XIRP2: variants seen among roughly 807,000 people sequenced by gnomAD.
XIRP2 encodes the protein xin actin-binding repeat-containing protein 2.
In XIRP2, 236 loss-of-function variants were observed where a neutral mutation model predicts 277.0. That is an observed-to-expected ratio of 0.85 (90% CI 0.77 to 0.95). The LOEUF (loss-of-function observed/expected upper bound fraction) is 0.95. Among genes scored for constraint, XIRP2 ranks in the 40% least tolerant of loss-of-function variants. XIRP2 has a pLI of 0.00. For synonymous variants in XIRP2, 1,490 were observed against 1,416.5 expected, an observed-to-expected ratio of 1.05 and a Z score of -1.17; for missense variants, 4,640 against 4,157.5, an observed-to-expected ratio of 1.12 and a Z score of -3.19.
At chr2:167,073,567 T>C (rs1260144212) in intron 2 of XIRP2, among the ~76,000 whole-genome samples, 1 of 152,136 alleles carries the variant, frequency 6.6e-6, no homozygotes, top group Non-Finnish European at 1.5e-5. Context: ...ATTATATTCA[T>C]TATTTAGTTT....
intron 2 of XIRP2, among the ~76,000 whole-genome samples, chr2:166,969,323 T>G (rs957755472): frequency 1.3e-5 from 2 of 151,972 alleles, no homozygotes; most frequent in Non-Finnish European, 2.9e-5. Context: ...GCAACAATGT[T>G]TACTATACAA....
chr2:166,980,005 TAATTACA>T (rs1254583633), intron 2 of XIRP2, among the ~76,000 whole-genome samples: 7 of 152,290 alleles, frequency 4.6e-5, no homozygotes, highest in African/African-American at 1.4e-4. Flanking sequence ...GTAATGTGCT[TAATTACA>T]AATTCAATTT....
At chr2:166,891,946 C>T (rs1684116138) in intron 1 of XIRP2, among the ~76,000 whole-genome samples, 1 of 152,142 alleles carries the variant, frequency 6.6e-6, no homozygotes, top group South Asian at 2.1e-4. Context: ...ATAAATTTGG[C>T]AGGTTCTTGG....
chr2:166,983,363 A>G (rs1686923673), intron 2 of XIRP2, among the ~76,000 whole-genome samples: 1 of 152,014 alleles, frequency 6.6e-6, no homozygotes, highest in Non-Finnish European at 1.5e-5. Flanking sequence ...ATTTATTAAG[A>G]TTTATTTCAC....
chr2:167,073,444 A>G (rs1689485222), intron 2 of XIRP2, among the ~76,000 whole-genome samples: 1 of 152,102 alleles, frequency 6.6e-6, no homozygotes, highest in African/African-American at 2.4e-5. Flanking sequence ...AGAAAATCCT[A>G]TGGTACACTT....
At chr2:167,066,890 G>T (rs1689315147) in intron 2 of XIRP2, among the ~76,000 whole-genome samples, 1 of 152,058 alleles carries the variant, frequency 6.6e-6, no homozygotes, top group Admixed American at 6.6e-5. Flanking sequence ...CATATGCATT[G>T]TTTATGATAA....
At chr2:166,922,989 G>A (rs1313000619) in intron 2 of XIRP2, among the ~76,000 whole-genome samples, 2 of 150,858 alleles carry the variant, frequency 1.3e-5, no homozygotes, top group African/African-American at 4.9e-5. Context: ...GATCCTCAAG[G>A]GTATTCAGCA....
chr2:167,218,076 C>A, intron 4 of XIRP2, 90 bp from the exon 5 acceptor site: 1 of 1,136,960 alleles, frequency 8.8e-7, no homozygotes, highest in Non-Finnish European at 1.2e-6. Flanking sequence ...TACTGTCTAT[C>A]AATAAATGTC....
chr2:167,128,552 C>T (rs1461503160), intron 2 of XIRP2, among the ~76,000 whole-genome samples: 7 of 152,096 alleles, frequency 4.6e-5, no homozygotes. Flanking sequence ...GTATCCGGGG[C>T]GGTCCTGGAG....
chr2:167,054,926 T>G (rs1258657176), intron 2 of XIRP2, among the ~76,000 whole-genome samples: 2 of 152,190 alleles, frequency 1.3e-5, no homozygotes, highest in Non-Finnish European at 2.9e-5. Flanking sequence ...TAGTTTTTGT[T>G]GCATAACAAG....
At chr2:167,201,250 GAAAGAAAGAAA>G (rs1693700176) in intron 3 of XIRP2, among the ~76,000 whole-genome samples, 1 of 92,814 alleles carries the variant, frequency 1.1e-5, no homozygotes, top group Non-Finnish European at 1.9e-5. Context: ...AAGAAAGAAA[GAAAGAAAGAAA>G]GAGAGAGGGA....
chr2:167,057,773 G>T (rs566088991), intron 2 of XIRP2, among the ~76,000 whole-genome samples: 1 of 152,144 alleles, frequency 6.6e-6, no homozygotes, highest in African/African-American at 2.4e-5. Context: ...CAGAAGTAAA[G>T]AAATATAAGC....
chr2:166,940,150 T>C (rs1487345930), intron 2 of XIRP2, among the ~76,000 whole-genome samples: 4 of 152,216 alleles, frequency 2.6e-5, no homozygotes, highest in African/African-American at 9.7e-5. Flanking sequence ...TGTTTCTTTT[T>C]ATTCTTTTTT....
At chr2:167,034,292 C>T (rs141123905) in intron 2 of XIRP2, among the ~76,000 whole-genome samples, 4 of 151,814 alleles carry the variant, frequency 2.6e-5, no homozygotes, top group East Asian at 1.9e-4. Context: ...AAACTTACAA[C>T]GGATACACAA....
rs766910973 is a variant in XIRP2 at position 167,248,385 on chromosome 2, A to C, written c.6993A>C (p.Thr2331=). Residue 2331 remains threonine, a synonymous_variant, in exon 9 of 11, where the codon ACA becomes ACC. Coordinates refer to ENST00000409195, the MANE Select transcript of XIRP2 (RefSeq NM_152381.6). Reference sequence around the variant, plus strand: ...ATGGGTTTCTTCCCTCACTGTCCACAGAGAAGATAAAGGCTGAATTTGAAA... The same window carrying C: ...ATGGGTTTCTTCCCTCACTGTCCACCGAGAAGATAAAGGCTGAATTTGAAA... ...EKNGFLPSLS[T]EKIKAEFESF... is the part of the protein sequence containing the mutation. The C allele has an allele frequency of 1.9e-5, 31 of 1,613,574 alleles. No homozygotes were observed. Among genetic ancestry groups the C allele is most frequent in the Non-Finnish European group, 2.5e-5 (29 of 1,179,810 alleles).
chr2:166,947,390 A>G (rs1269923176), intron 2 of XIRP2, among the ~76,000 whole-genome samples: 1 of 152,170 alleles, frequency 6.6e-6, no homozygotes, highest in Non-Finnish European at 1.5e-5. Context: ...AAATTCTTTG[A>G]TATGAACTCA....
chr2:167,114,217 AC>A (rs2105297742), intron 2 of XIRP2, among the ~76,000 whole-genome samples: 1 of 152,300 alleles, frequency 6.6e-6, no homozygotes, highest in South Asian at 2.1e-4. Context: ...ATCCTGAGAT[AC>A]GTTTCGCAAG....
intron 2 of XIRP2, among the ~76,000 whole-genome samples, chr2:166,994,773 T>C (rs1462073833): frequency 1.3e-5 from 2 of 151,992 alleles, no homozygotes. Context: ...CTCATTTCAG[T>C]AACTGTACTA....
At chr2:166,921,303 C>T (rs766472624) in intron 2 of XIRP2, among the ~76,000 whole-genome samples, 7 of 152,052 alleles carry the variant, frequency 4.6e-5, no homozygotes, top group Non-Finnish European at 8.8e-5. Flanking sequence ...TGTCCAAAGT[C>T]GTTGTACTCT....
Sources: gnomAD v4.1 joint callset for allele counts (sites outside exome capture counted in the v4.1 genomes callset) on GRCh38, gnomAD v4.1.1 for gene constraint, MANE v1.5 for transcripts, NCBI Gene and HGNC (gene_info 2026-07-23, HGNC 2026-07-21) for gene names.